The following USH2A variants were observed in gnomAD, a reference collection of about 807,000 sequenced individuals.
USH2A encodes the protein usherin.
A neutral mutation model predicts 538.9 loss-of-function variants in USH2A; 443 were observed. The ratio of observed to expected loss-of-function variants is 0.82; its 90% CI spans 0.76 to 0.89. The LOEUF (loss-of-function observed/expected upper bound fraction) is 0.89. Ranked by LOEUF, USH2A falls within the 40% of genes least tolerant of loss-of-function variation. USH2A has a pLI of 0.00. For synonymous variants in USH2A, 2,413 were observed against 2,273.5 expected, an observed-to-expected ratio of 1.06 and a Z score of -1.75; for missense variants, 6,633 against 6,324.8, an observed-to-expected ratio of 1.05 and a Z score of -1.65.
rs770479846 is a variant in USH2A at position 215,625,848 on chromosome 1, A to T, written c.15542T>A (p.Met5181Lys). The T allele has an allele frequency of 1.2e-6, 2 of 1,614,104 alleles. No homozygotes were observed. The highest frequency in any genetic ancestry group is 2.2e-5 in the East Asian group (1 of 44,880). ...TGAGCTGAAATCCTTGATGGCGTTC[A>T]TCAGGTCCTCTTCATCCACATACTG... ...SGLYVDEEDL[M>K]NAIKDFSSVT... Residue 5181 changes from methionine (M) to lysine (K), a missense_variant, in exon 72 of 72, where the codon ATG (methionine) becomes AAG (lysine). Coordinates refer to ENST00000307340, the MANE Select transcript of USH2A (RefSeq NM_206933.4).
chr1:216,125,516 AAG>A (rs1305299368), intron 21 of USH2A, among the ~76,000 whole-genome samples: 1 of 152,220 alleles, frequency 6.6e-6, no homozygotes, highest in Non-Finnish European at 1.5e-5. Flanking sequence ...GATAGTGTGG[AAG>A]AGTTAGTAGG....
intron 38 of USH2A, among the ~76,000 whole-genome samples, chr1:215,914,068 CTTT>C (rs11366554): frequency 6.5e-5 from 6 of 92,022 alleles, no homozygotes; most frequent in East Asian, 3.5e-4. Context: ...AAGCAACAGA[CTTT>C]TTTTTTTTTT....
chr1:215,635,195 G>A (rs374690522), intron 69 of USH2A, among the ~76,000 whole-genome samples: 77 of 152,234 alleles, frequency 5.1e-4, no homozygotes, highest in South Asian at 1.5e-3. Context: ...CTGATACTTC[G>A]TGCAAACTGG....
intron 47 of USH2A, among the ~76,000 whole-genome samples, chr1:215,832,325 A>G (rs1438545206): frequency 1.3e-5 from 2 of 151,954 alleles, no homozygotes; most frequent in South Asian, 2.1e-4. Context: ...AGGCAAAGGT[A>G]TTACAAGAAA....
intron 37 of USH2A, among the ~76,000 whole-genome samples, chr1:215,937,581 G>A (rs981377203): frequency 1.3e-5 from 2 of 151,988 alleles, no homozygotes; most frequent in African/African-American, 4.8e-5. Flanking sequence ...GTCAGCATGG[G>A]GAGATCTCCT....
intron 35 of USH2A, among the ~76,000 whole-genome samples, chr1:215,984,437 C>T (rs1667823280): frequency 6.6e-6 from 1 of 152,170 alleles, no homozygotes; most frequent in Non-Finnish European, 1.5e-5. Context: ...ATTGGCTGTA[C>T]AACAGAAGGA....
intron 4 of USH2A, among the ~76,000 whole-genome samples, chr1:216,347,964 T>C (rs1331464355): frequency 6.6e-6 from 1 of 152,140 alleles, no homozygotes; most frequent in Non-Finnish European, 1.5e-5. Flanking sequence ...AAGAGTTAAC[T>C]GCATGGGCTG....
intron 32 of USH2A, among the ~76,000 whole-genome samples, chr1:216,016,039 T>C (rs921234758): frequency 2.2e-4 from 34 of 152,158 alleles, no homozygotes; most frequent in African/African-American, 7.2e-4. Context: ...TCATGTCCTT[T>C]GCAGGGACAT....
intron 43 of USH2A, among the ~76,000 whole-genome samples, chr1:215,871,440 T>A (rs556269211): frequency 2.6e-5 from 4 of 152,196 alleles, no homozygotes; most frequent in African/African-American, 7.2e-5. Context: ...AAATTTCAGG[T>A]CACTTATATA....
At chr1:215,940,505 T>A (rs1666606773) in intron 37 of USH2A, among the ~76,000 whole-genome samples, 1 of 152,150 alleles carries the variant, frequency 6.6e-6, no homozygotes, top group African/African-American at 2.4e-5. Context: ...CTGATAGATC[T>A]CATGTTGGTA....
intron 12 of USH2A, among the ~76,000 whole-genome samples, chr1:216,250,698 G>C (rs567591369): frequency 6.6e-6 from 1 of 152,030 alleles, no homozygotes. Context: ...ACTTCTAAAG[G>C]GTTGATTAAA....
At chr1:216,392,099 C>T (rs1216334021) in intron 3 of USH2A, among the ~76,000 whole-genome samples, 1 of 152,180 alleles carries the variant, frequency 6.6e-6, no homozygotes, top group Non-Finnish European at 1.5e-5. Context: ...TATGTAAGTA[C>T]TGTCCTGTCC....
chr1:215,743,386 A>ATATATATATATATATATATATATATG (rs878870284), intron 58 of USH2A, 51 bp from the exon 59 acceptor site: 1 of 310,004 alleles, frequency 3.2e-6, no homozygotes, highest in Non-Finnish European at 5.4e-6. Context: ...ATATATATAT[A>ATATATATATATATATATATATATATG]TGTGTGTGTG....
At chr1:216,028,227 A>C (rs1472907414) in intron 32 of USH2A, among the ~76,000 whole-genome samples, 1 of 151,984 alleles carries the variant, frequency 6.6e-6, no homozygotes, top group Non-Finnish European at 1.5e-5. Flanking sequence ...GTCTCTACTA[A>C]AAGTACAAAA....
chr1:216,185,282 C>G (rs931499723), intron 20 of USH2A, among the ~76,000 whole-genome samples: 3 of 151,786 alleles, frequency 2.0e-5, no homozygotes, highest in African/African-American at 7.3e-5. Context: ...AGCAGCAGTG[C>G]AATACTCTGG....
At chr1:216,351,345 G>C (rs1197636091) in intron 4 of USH2A, among the ~76,000 whole-genome samples, 1 of 152,138 alleles carries the variant, frequency 6.6e-6, no homozygotes, top group Non-Finnish European at 1.5e-5. Flanking sequence ...AACTGGTATT[G>C]AGCAGACCTA....
intron 40 of USH2A, among the ~76,000 whole-genome samples, chr1:215,890,020 C>G (rs1558147193): frequency 1.3e-5 from 2 of 152,114 alleles, no homozygotes; most frequent in Non-Finnish European, 2.9e-5. Context: ...TATATTGAGG[C>G]TTTACTGCTC....
chr1:216,137,172 CT>C (rs2033502584), intron 21 of USH2A, among the ~76,000 whole-genome samples: 3 of 152,142 alleles, frequency 2.0e-5, no homozygotes, highest in African/African-American at 7.2e-5. Flanking sequence ...TTAGAAAACC[CT>C]TTGGTGGCAT....
At chr1:215,879,273 C>T (rs1162367512) in intron 41 of USH2A, among the ~76,000 whole-genome samples, 175 bp from the exon 42 acceptor site, 1 of 152,190 alleles carries the variant, frequency 6.6e-6, no homozygotes, top group East Asian at 1.9e-4. Flanking sequence ...ATTAGCAGTA[C>T]TCCAGGAGCT....
Sources: allele counts gnomAD v4.1 joint callset (sites outside exome capture counted in the v4.1 genomes callset), GRCh38; gene constraint gnomAD v4.1.1; transcripts MANE v1.5; gene names NCBI Gene and HGNC (gene_info 2026-07-23, HGNC 2026-07-21).